RIT2: variants seen among roughly 807,000 people sequenced by gnomAD.
RIT2 encodes the protein GTP-binding protein Rit2.
Under a neutral mutation model 23.7 loss-of-function variants are expected in RIT2, and 24 were observed. The ratio of observed to expected loss-of-function variants is 1.01; its 90% CI spans 0.73 to 1.43. The LOEUF (loss-of-function observed/expected upper bound fraction) is 1.43. RIT2 is among the 40% of genes most tolerant of loss of function. The pLI is 0.00. For synonymous variants in RIT2, 107 were observed against 91.1 expected (o/e 1.17, Z -0.99); for missense variants, 236 against 266.9 (o/e 0.88, Z 0.81).
intron 1 of RIT2, 25 bp from the exon 2 acceptor site, chr18:43,033,892 T>C (rs755872002): frequency 2.0e-6 from 3 of 1,536,826 alleles, no homozygotes; most frequent in Admixed American, 1.7e-5. Context: ...ACACATTTTG[T>C]TTAATAAAAA....
intron 4 of RIT2, among the ~76,000 whole-genome samples, chr18:42,886,683 C>T (rs1908031053): frequency 6.6e-6 from 1 of 152,054 alleles, no homozygotes; most frequent in Admixed American, 6.6e-5. Flanking sequence ...TGAATGCTAA[C>T]ATAATTTGGG....
intron 4 of RIT2, among the ~76,000 whole-genome samples, chr18:42,902,843 G>T (rs1435175462): frequency 1.3e-5 from 2 of 151,618 alleles, no homozygotes; most frequent in Non-Finnish European, 3.0e-5. Flanking sequence ...AAATAAAAAT[G>T]TATCAGTAAT....
intron 4 of RIT2, chr18:42,920,812 C>T (rs867436826): frequency 1.5e-5 from 18 of 1,185,420 alleles, no homozygotes; most frequent in Middle Eastern, 3.8e-4. Context: ...TTGCCTCTCA[C>T]CACTAAACAA....
intron 4 of RIT2, among the ~76,000 whole-genome samples, chr18:42,809,870 T>C (rs866115424): frequency 0.062 from 8,771 of 142,190 alleles, 1,154 homozygotes; most frequent in African/African-American, 0.22. Context: ...ATATATAATA[T>C]ATATAATTTG....
intron 4 of RIT2, among the ~76,000 whole-genome samples, chr18:42,876,920 C>T (rs1393764360): frequency 2.0e-5 from 3 of 151,370 alleles, no homozygotes; most frequent in Non-Finnish European, 4.4e-5. Context: ...TCTTGCTATC[C>T]CTGGTAAGCG....
chr18:43,110,936 G>A (rs1415459691), intron 1 of RIT2, among the ~76,000 whole-genome samples: 1 of 152,090 alleles, frequency 6.6e-6, no homozygotes, highest in Non-Finnish European at 1.5e-5. Context: ...AAACAAATTA[G>A]CATATCCATC....
chr18:43,074,221 A>T (rs1156594526), intron 1 of RIT2, among the ~76,000 whole-genome samples: 2 of 152,136 alleles, frequency 1.3e-5, no homozygotes, highest in Non-Finnish European at 1.5e-5. Context: ...TTAGGTAAAA[A>T]TTTTGCAATT....
At chr18:42,867,049 G>C (rs1444342016) in intron 4 of RIT2, among the ~76,000 whole-genome samples, 1 of 152,150 alleles carries the variant, frequency 6.6e-6, no homozygotes, top group African/African-American at 2.4e-5. Context: ...TGTTCAATGT[G>C]AACTATTCTT....
intron 4 of RIT2, among the ~76,000 whole-genome samples, chr18:42,782,915 G>A (rs1913844178): frequency 6.6e-6 from 1 of 152,000 alleles, no homozygotes; most frequent in South Asian, 2.1e-4. Flanking sequence ...TAGGGAGTCT[G>A]GAAAGGTAAT....
chr18:43,022,773 C>T (rs1410122741), intron 2 of RIT2, among the ~76,000 whole-genome samples: 1 of 151,762 alleles, frequency 6.6e-6, no homozygotes, highest in Non-Finnish European at 1.5e-5. Context: ...TTAATCATTA[C>T]AAAATGAATT....
At chr18:42,816,913 T>C (rs1598666071) in intron 4 of RIT2, among the ~76,000 whole-genome samples, 1 of 152,226 alleles carries the variant, frequency 6.6e-6, no homozygotes, top group East Asian at 1.9e-4. Flanking sequence ...TACTTTAAGG[T>C]GCATAAAAAA....
intron 2 of RIT2, among the ~76,000 whole-genome samples, chr18:43,012,259 C>T (rs1379869403): frequency 6.6e-6 from 1 of 151,800 alleles, no homozygotes; most frequent in Non-Finnish European, 1.5e-5. Context: ...TTGCAAAGCA[C>T]TAGAAAAATA....
chr18:43,088,047 A>C (rs1399612872), intron 1 of RIT2, among the ~76,000 whole-genome samples: 2 of 152,210 alleles, frequency 1.3e-5, no homozygotes, highest in Non-Finnish European at 2.9e-5. Flanking sequence ...TTGATGTCTA[A>C]TCCAATTCCT....
chr18:43,073,695 C>G (rs984527168), intron 1 of RIT2, among the ~76,000 whole-genome samples: 1 of 152,084 alleles, frequency 6.6e-6, no homozygotes, highest in African/African-American at 2.4e-5. Context: ...AAATATGGAC[C>G]CTGCCATCCA....
chr18:42,814,586 C>T (rs1264147118), intron 4 of RIT2, among the ~76,000 whole-genome samples: 2 of 152,176 alleles, frequency 1.3e-5, no homozygotes, highest in East Asian at 3.9e-4. Context: ...AGAGTCTGAG[C>T]TCAGATATGC....
intron 1 of RIT2, among the ~76,000 whole-genome samples, chr18:43,091,592 C>T (rs1913424715): frequency 6.6e-6 from 1 of 152,022 alleles, no homozygotes; most frequent in Non-Finnish European, 1.5e-5. Context: ...GCCTGCAAGG[C>T]TGATTTCCTA....
intron 3 of RIT2, among the ~76,000 whole-genome samples, chr18:42,934,999 A>T (rs935544773): frequency 6.6e-6 from 1 of 152,208 alleles, no homozygotes; most frequent in South Asian, 2.1e-4. Flanking sequence ...AAATAGAAAG[A>T]GTCCTAATGA....
intron 4 of RIT2, among the ~76,000 whole-genome samples, chr18:42,875,026 C>T (rs1267104730): frequency 1.3e-5 from 2 of 151,984 alleles, no homozygotes; most frequent in African/African-American, 4.8e-5. Context: ...AATTGAGAAC[C>T]AGAATAGTCA....
At chr18:42,837,504 A>G (rs1259745359) in intron 4 of RIT2, among the ~76,000 whole-genome samples, 1 of 151,884 alleles carries the variant, frequency 6.6e-6, no homozygotes, top group Non-Finnish European at 1.5e-5. Flanking sequence ...CACATTCTAT[A>G]CTTTTTTCAT....
Sources: allele counts gnomAD v4.1 joint callset (sites outside exome capture counted in the v4.1 genomes callset), GRCh38; gene constraint gnomAD v4.1.1; transcripts MANE v1.5; gene names NCBI Gene and HGNC (gene_info 2026-07-23, HGNC 2026-07-21).